Variants in HIVEP3 observed in about 807,000 individuals in gnomAD.
The protein encoded by HIVEP3 is transcription factor HIVEP3.
In HIVEP3, 49 loss-of-function variants were observed where a neutral mutation model predicts 152.8. That is an observed-to-expected ratio of 0.32 (90% CI 0.26 to 0.41). The LOEUF is 0.41. Among genes scored for constraint, HIVEP3 ranks in the 10% least tolerant of loss-of-function variants. The pLI is 1.00. For missense variants in HIVEP3, 2,790 were observed against 3,103.3 expected, an observed-to-expected ratio of 0.90 and a Z score of 2.40; for synonymous variants, 1,269 against 1,289.0, an observed-to-expected ratio of 0.98 and a Z score of 0.33.
chr1:41,993,874 A>G (rs1191464050), intron 1 of HIVEP3, among the ~76,000 whole-genome samples: 1 of 151,974 alleles, frequency 6.6e-6, no homozygotes, highest in African/African-American at 2.4e-5. Context: ...ATTGGAAATC[A>G]TCATTCTCAA....
At chr1:41,841,604 C>T (rs1643291055) in intron 1 of HIVEP3, among the ~76,000 whole-genome samples, 2 of 152,150 alleles carry the variant, frequency 1.3e-5, no homozygotes, top group East Asian at 1.9e-4. Flanking sequence ...CTTCCAGAAG[C>T]TGGTGGAAAG....
In HIVEP3 at chr1:41,814,544, C is replaced by T. The variant is rs532116772; in HGVS notation, c.-801+103869G>A. Among the ~76,000 whole-genome samples the T allele has an allele frequency of 1.7e-3, 258 of 152,334 alleles. 2 individuals carry two copies. Among genetic ancestry groups the T allele is most frequent in the Non-Finnish European group, 2.1e-3 (142 of 68,036 alleles). ...CTTCCCTAAGGCTAGTGCCTGCCAC[C>T]AGATTATAGCCATGAATCTTGCATA... is the stretch of plus-strand genomic sequence containing the variant. On this transcript the variant is annotated intron_variant, in intron 1 of 8. Coordinates refer to ENST00000372583, the MANE Select transcript of HIVEP3 (RefSeq NM_024503.5).
intron 5 of HIVEP3, among the ~76,000 whole-genome samples, chr1:41,563,349 AAAAT>A (rs1385623089): frequency 3.4e-5 from 5 of 148,444 alleles, no homozygotes; most frequent in Non-Finnish European, 7.4e-5. Context: ...CATCTCAAAA[AAAAT>A]AAATAGATAA....
At chr1:41,794,185 G>A (rs920563063) in intron 1 of HIVEP3, among the ~76,000 whole-genome samples, 26 of 152,324 alleles carry the variant, frequency 1.7e-4, no homozygotes, top group African/African-American at 6.3e-4. Context: ...CGTAGGAAGA[G>A]CAATGGGACG....
intron 3 of HIVEP3, among the ~76,000 whole-genome samples, chr1:41,595,913 T>C (rs1227969748): frequency 6.6e-6 from 1 of 152,186 alleles, no homozygotes; most frequent in Non-Finnish European, 1.5e-5. Flanking sequence ...GACCTCACCT[T>C]GTGATTGTGT....
chr1:41,947,349 C>T (rs1046524552), intron 1 of HIVEP3, among the ~76,000 whole-genome samples: 3 of 152,242 alleles, frequency 2.0e-5, no homozygotes, highest in Non-Finnish European at 2.9e-5. Context: ...GCTCTGCTCA[C>T]AACAGGTTAA....
intron 1 of HIVEP3, among the ~76,000 whole-genome samples, chr1:41,720,845 C>T (rs1269600085): frequency 6.6e-6 from 1 of 152,204 alleles, no homozygotes; most frequent in Non-Finnish European, 1.5e-5. Flanking sequence ...TACACACATA[C>T]AGTTGAATAT....
chr1:41,739,983 G>A (rs1383979085), intron 1 of HIVEP3, among the ~76,000 whole-genome samples: 2 of 152,166 alleles, frequency 1.3e-5, no homozygotes, highest in Non-Finnish European at 2.9e-5. Flanking sequence ...CACAACCACG[G>A]CATAACCAGG....
intron 2 of HIVEP3, among the ~76,000 whole-genome samples, chr1:41,681,621 G>A (rs1397656313): frequency 2.0e-5 from 3 of 152,174 alleles, no homozygotes; most frequent in Admixed American, 6.5e-5. Context: ...CACAGCTCTC[G>A]GGGCACACAT....
At chr1:41,746,576 G>A (rs1647075327) in intron 1 of HIVEP3, among the ~76,000 whole-genome samples, 1 of 152,192 alleles carries the variant, frequency 6.6e-6, no homozygotes, top group Non-Finnish European at 1.5e-5. Context: ...GTCCCAATTG[G>A]GCTTCGGTGG....
At chr1:41,730,426 G>T (rs1646821841) in intron 1 of HIVEP3, among the ~76,000 whole-genome samples, 1 of 152,164 alleles carries the variant, frequency 6.6e-6, no homozygotes. Flanking sequence ...CTGCATCCCT[G>T]GCACCAGTGC....
intron 1 of HIVEP3, among the ~76,000 whole-genome samples, chr1:41,829,014 G>A (rs1642883237): frequency 6.6e-6 from 1 of 152,126 alleles, no homozygotes; most frequent in Non-Finnish European, 1.5e-5. Flanking sequence ...GCTGGCTCAG[G>A]GGTGGCCTCC....
At chr1:41,919,181 A>G (rs1048503596), upstream of HIVEP3, among the ~76,000 whole-genome samples, 1 of 152,070 alleles carries the variant, frequency 6.6e-6, no homozygotes, top group African/African-American at 2.4e-5. Flanking sequence ...CAAGTCATAA[A>G]TATTTATTGC....
intron 1 of HIVEP3, chr1:41,847,295 C>T (rs1478327531): frequency 6.6e-6 from 1 of 152,166 alleles, no homozygotes; most frequent in African/African-American, 2.4e-5. Flanking sequence ...GATGCTGTAG[C>T]TATGTAAATG....
rs751800969 is a variant in HIVEP3, at chr1:41,510,969, C to A, written c.6703G>T (p.Ala2235Ser). 4 of 1,613,532 alleles carry A rather than the reference C, an allele frequency of 2.5e-6. No homozygotes were observed. The highest frequency in any genetic ancestry group is 2.2e-5 in the East Asian group (1 of 44,860). ...CGGCCTCGCTCCTGGGCCTCCCGGGCCCCTGTCAGGTCGCTGCCACCCCCG... is the reference window on the plus strand; with the variant it reads ...CGGCCTCGCTCCTGGGCCTCCCGGGACCCTGTCAGGTCGCTGCCACCCCCG... The part of the protein sequence containing the change: ...FSGGGSDLTG[A>S]REAQERGRWS... The change falls in exon 9 of 9, where the codon GCC (alanine) becomes TCC (serine). Residue 2235 changes from alanine (A) to serine (S), a missense_variant. Physicochemically the swap from Ala to Ser is moderately conservative, Grantham distance 99 (BLOSUM62 1). Coordinates refer to ENST00000372583, the MANE Select transcript of HIVEP3 (RefSeq NM_024503.5).
chr1:41,951,604 G>A (rs1013925638), intron 1 of HIVEP3, among the ~76,000 whole-genome samples: 2 of 152,162 alleles, frequency 1.3e-5, no homozygotes, highest in African/African-American at 4.8e-5. Flanking sequence ...TCTGAGACTG[G>A]GTAATTTATC....
intron 2 of HIVEP3, among the ~76,000 whole-genome samples, chr1:41,676,139 C>T (rs1392094930): frequency 6.6e-6 from 1 of 152,128 alleles, no homozygotes; most frequent in East Asian, 1.9e-4. Flanking sequence ...GCAACCTCCG[C>T]CTCCCAGGCT....
At chr1:41,878,155 A>G (rs1471328109) in intron 1 of HIVEP3, among the ~76,000 whole-genome samples, 2 of 152,224 alleles carry the variant, frequency 1.3e-5, no homozygotes, top group East Asian at 3.8e-4. Context: ...CGCAACTAAG[A>G]GTGCTTTTTA....
intron 5 of HIVEP3, among the ~76,000 whole-genome samples, chr1:41,530,434 A>G (rs540072955): frequency 3.9e-5 from 6 of 152,266 alleles, no homozygotes; most frequent in African/African-American, 1.4e-4. Flanking sequence ...CTTAATTCCC[A>G]TGTCCCTCCA....
Sources: allele counts gnomAD v4.1 joint callset (sites outside exome capture counted in the v4.1 genomes callset), GRCh38; gene constraint gnomAD v4.1.1; transcripts MANE v1.5; gene names NCBI Gene and HGNC (gene_info 2026-07-23, HGNC 2026-07-21).